HIVEP3: variants seen among roughly 807,000 people sequenced by gnomAD.
The protein encoded by HIVEP3 is transcription factor HIVEP3.
A neutral mutation model predicts 152.8 loss-of-function variants in HIVEP3; 49 were observed. The observed-to-expected ratio is 0.32, with a 90% CI of 0.26 to 0.41. The LOEUF (loss-of-function observed/expected upper bound fraction) is 0.41. Ranked by LOEUF, HIVEP3 falls within the 10% of genes least tolerant of loss-of-function variation. The pLI is 1.00. For synonymous variants in HIVEP3, 1,269 were observed against 1,289.0 expected (o/e 0.98, Z 0.33); for missense variants, 2,790 against 3,103.3 (o/e 0.90, Z 2.40).
chr1:41,934,763 T>G (rs1645012128), intron 1 of HIVEP3, among the ~76,000 whole-genome samples: 1 of 152,136 alleles, frequency 6.6e-6, no homozygotes, highest in South Asian at 2.1e-4. Context: ...AATGTACCAA[T>G]TTTTCAAAAA....
chr1:41,766,762 A>G (rs1408382909), intron 1 of HIVEP3, among the ~76,000 whole-genome samples: 5 of 152,194 alleles, frequency 3.3e-5, no homozygotes, highest in Non-Finnish European at 7.3e-5. Context: ...TCCATTCTCC[A>G]CTAGGCTTGG....
intron 1 of HIVEP3, among the ~76,000 whole-genome samples, chr1:41,924,722 T>A (rs1372631262): frequency 2.0e-5 from 3 of 152,148 alleles, no homozygotes; most frequent in Non-Finnish European, 4.4e-5. Context: ...AAAGGTTCCA[T>A]AAATGATAAG....
chr1:41,772,781 G>T (rs549219215), intron 1 of HIVEP3, among the ~76,000 whole-genome samples: 1 of 152,124 alleles, frequency 6.6e-6, no homozygotes, highest in Non-Finnish European at 1.5e-5. Context: ...GTGGTGGCAG[G>T]TGCCTATAAT....
At chr1:41,824,470 G>A (rs1013304608) in intron 1 of HIVEP3, among the ~76,000 whole-genome samples, 3 of 151,956 alleles carry the variant, frequency 2.0e-5, no homozygotes, top group Non-Finnish European at 4.4e-5. Flanking sequence ...CACAGCTAAC[G>A]TTGTAAGTGG....
intron 2 of HIVEP3, among the ~76,000 whole-genome samples, chr1:41,700,383 C>T (rs1478855051): frequency 2.0e-5 from 3 of 152,126 alleles, no homozygotes; most frequent in East Asian, 3.9e-4. Flanking sequence ...AGGCCCCCTC[C>T]CCAAAATGCA....
intron 2 of HIVEP3, among the ~76,000 whole-genome samples, chr1:41,669,692 A>T (rs1455972844): frequency 6.6e-6 from 1 of 152,120 alleles, no homozygotes; most frequent in Non-Finnish European, 1.5e-5. Flanking sequence ...TGCAGAATGG[A>T]ACTTATACCA....
rs10530354 is a variant in HIVEP3 at position 41,665,707 on chromosome 1, TACACACAC to T, written c.-721+35201_-721+35208del. On this transcript the variant is annotated intron_variant, in intron 2 of 8. Coordinates refer to ENST00000372583, the MANE Select transcript of HIVEP3 (RefSeq NM_024503.5). ...AATGCTTGTTTCCACGGAAATGTTA[TACACACAC>T]ACACACACACACACACACACACACA... Among the ~76,000 whole-genome samples, 142 of 128,014 alleles carry T rather than the reference TACACACAC, an allele frequency of 1.1e-3. 1 individual carries two copies. Among genetic ancestry groups the T allele is most frequent in the Admixed American group, 4.7e-4 (6 of 12,836 alleles). The allele number at this position is 128,014 out of a possible 152,430, so 84.0% of individuals were successfully genotyped here. A position where few individuals can be genotyped will look rare whatever the true frequency, so the allele number is the denominator to read the frequency against.
At chr1:41,929,415 G>C (rs1644984381) in intron 1 of HIVEP3, among the ~76,000 whole-genome samples, 1 of 151,888 alleles carries the variant, frequency 6.6e-6, no homozygotes, top group Admixed American at 6.6e-5. Context: ...TGTTGTTGTT[G>C]TTCAGCACTT....
intron 3 of HIVEP3, among the ~76,000 whole-genome samples, chr1:41,596,386 T>A (rs141357128): frequency 6.6e-6 from 1 of 152,024 alleles, no homozygotes; most frequent in Non-Finnish European, 1.5e-5. Flanking sequence ...AGTCCATAGA[T>A]AGCCTGTGTT....
At chr1:41,594,726 T>C (rs529163328) in intron 3 of HIVEP3, among the ~76,000 whole-genome samples, 2 of 152,218 alleles carry the variant, frequency 1.3e-5, no homozygotes, top group Non-Finnish European at 2.9e-5. Flanking sequence ...TTTTTTTGTT[T>C]CCATGTGGTT....
chr1:41,547,573 T>C lies in HIVEP3; in HGVS notation c.5208-22663A>G, dbSNP rs529075170. The stretch of plus-strand genomic sequence containing the variant: ...GAGCGAGGAGCCCGAGGAGGTGGCC[T>C]GGGGCCAAGGCAGCCTCCGGCACTC... On this transcript the variant is annotated intron_variant, in intron 5 of 8. Coordinates refer to ENST00000372583, the MANE Select transcript of HIVEP3 (RefSeq NM_024503.5). 1.0e-3 allele frequency among the ~76,000 whole-genome samples: 156 copies of C among 152,036 alleles called. 1 individual carries two copies. In the South Asian group the frequency reaches 0.012, roughly 12 times the overall value.
chr1:41,744,184 G>A (rs147023011), intron 1 of HIVEP3, among the ~76,000 whole-genome samples: 1,961 of 152,160 alleles, frequency 0.013, 40 homozygotes, highest in African/African-American at 0.045. Context: ...GACTACAGGC[G>A]CCTGCCACCA....
intron 1 of HIVEP3, among the ~76,000 whole-genome samples, chr1:41,961,898 T>C (rs544430918): frequency 1.3e-5 from 2 of 152,388 alleles, no homozygotes; most frequent in South Asian, 4.1e-4. Flanking sequence ...CCTAAATACA[T>C]AAGACAAATG....
intron 5 of HIVEP3, among the ~76,000 whole-genome samples, chr1:41,531,480 A>G (rs1643251886): frequency 7.8e-6 from 1 of 127,930 alleles, no homozygotes; most frequent in African/African-American, 3.1e-5. Flanking sequence ...GACAGGGGAG[A>G]TGGAGGACAG....
chr1:41,981,350 G>A (rs754492174), intron 1 of HIVEP3, among the ~76,000 whole-genome samples: 47 of 152,194 alleles, frequency 3.1e-4, no homozygotes, highest in Non-Finnish European at 5.0e-4. Flanking sequence ...TCATCCCCAC[G>A]GAGCTGGGAA....
Position 41,584,544 on chromosome 1 carries a change from G to T in HIVEP3, c.254C>A (p.Pro85His). 6.2e-7 allele frequency: 1 copy of T among 1,614,128 alleles called. No individual in the cohort carries two copies. The highest frequency in any genetic ancestry group is 8.5e-7 in the Non-Finnish European group (1 of 1,179,998). The change falls in exon 4 of 9, where the codon CCC (proline) becomes CAC (histidine). Residue 85 changes from proline (P) to histidine (H), a missense_variant. Pro to His is a moderately conservative substitution (Grantham distance 77). This residue lies in a region of HIVEP3 where 209 missense variants were observed against 237.0 expected (regional missense o/e 0.88). Transcript: ENST00000372583. The surrounding 1 kb of genome is among the most constrained non-coding windows in gnomAD (Gnocchi z 5.2). ...TGAGATGTGGACGGATGCTTCGATGGGGGGCCTTTTGGGGGGCTTCTGCTG... is the reference window on the plus strand; with the variant it reads ...TGAGATGTGGACGGATGCTTCGATGTGGGGCCTTTTGGGGGGCTTCTGCTG... ...GQQQKPPKRP[P>H]IEASVHISQL... is the part of the protein sequence containing the mutation.
intron 1 of HIVEP3, among the ~76,000 whole-genome samples, chr1:41,803,315 G>A (rs1335642069): frequency 1.3e-5 from 2 of 152,186 alleles, no homozygotes; most frequent in Non-Finnish European, 2.9e-5. Flanking sequence ...GTCTTGCAAT[G>A]TCTTTATAAA....
chr1:41,726,808 A>G (rs1003324268), intron 1 of HIVEP3, among the ~76,000 whole-genome samples: 2 of 152,148 alleles, frequency 1.3e-5, no homozygotes, highest in Non-Finnish European at 2.9e-5. Flanking sequence ...AAAAAGGCAG[A>G]GCTGTCGAAC....
At chr1:41,574,949 C>A (rs577884052) in intron 5 of HIVEP3, among the ~76,000 whole-genome samples, 1 of 152,216 alleles carries the variant, frequency 6.6e-6, no homozygotes, top group Non-Finnish European at 1.5e-5. Flanking sequence ...TTAGACCATT[C>A]GTTTCCCAAA....
Sources: allele counts gnomAD v4.1 joint callset (sites outside exome capture counted in the v4.1 genomes callset), GRCh38; gene constraint gnomAD v4.1.1; regional missense constraint gnomAD v4.1.1; non-coding constraint Gnocchi (gnomAD v3.1); transcripts MANE v1.5; gene names NCBI Gene and HGNC (gene_info 2026-07-23, HGNC 2026-07-21).